PTPN6: variants seen among roughly 807,000 people sequenced by gnomAD.
PTPN6 encodes the protein tyrosine-protein phosphatase non-receptor type 6.
In PTPN6, 18 loss-of-function variants were observed where a neutral mutation model predicts 81.5. The ratio of observed to expected loss-of-function variants is 0.22; its 90% CI spans 0.15 to 0.33. The LOEUF (loss-of-function observed/expected upper bound fraction) is 0.33, where lower values mean the gene tolerates loss of function less well. Among genes scored for constraint, PTPN6 ranks in the 10% least tolerant of loss-of-function variants. The probability of loss-of-function intolerance (pLI) is 1.00; values close to 1 mark genes in which losing one functional copy is unlikely to be tolerated. For synonymous variants in PTPN6, 301 were observed against 310.9 expected (o/e 0.97, Z 0.33); for missense variants, 500 against 794.2 (o/e 0.63, Z 4.45).
chr12:6,956,032 C>T lies in PTPN6; in HGVS notation c.845-110C>T. 1 of 1,137,002 alleles carries T rather than the reference C, an allele frequency of 8.8e-7. No homozygotes were observed. Among genetic ancestry groups the T allele is most frequent in the Non-Finnish European group, 1.3e-6 (1 of 758,730 alleles). The allele number at this position is 1,137,002 out of a possible 1,614,324, so 70.4% of individuals were successfully genotyped here. Reference sequence around the variant, plus strand: ...CTGCTGCCCACAGTCCCCCGCAAGCCTCATGGCTTCTGAGACCAGAATGGC... The same window carrying T: ...CTGCTGCCCACAGTCCCCCGCAAGCTTCATGGCTTCTGAGACCAGAATGGC... On this transcript the variant is annotated intron_variant, in intron 7 of 15. Coordinates refer to ENST00000318974, the MANE Select transcript of PTPN6 (RefSeq NM_002831.6). The surrounding 1 kb of genome is among the most constrained non-coding windows in gnomAD (Gnocchi z 4.1).
Position 6,960,360 on chromosome 12 carries a change from A to G in PTPN6, c.1598A>G (p.Glu533Gly). 6.2e-7 allele frequency: 1 copy of G among 1,613,312 alleles called. No homozygotes were observed. The highest frequency in any genetic ancestry group is 8.5e-7 in the Non-Finnish European group (1 of 1,179,976). The change falls in exon 14 of 16, where the codon GAG (glutamate) becomes GGG (glycine). Residue 533 changes from glutamate (E) to glycine (G), a missense_variant. Physicochemically the swap from Glu to Gly is moderately conservative, Grantham distance 98. Coordinates refer to ENST00000318974, the MANE Select transcript of PTPN6 (RefSeq NM_002831.6). This position sits in a 1 kb window ranked among gnomAD's most constrained non-coding sequence, Gnocchi z 6.1. ...LEVLQSQKGQ[E>G]SEYGNITYPP... The stretch of plus-strand genomic sequence containing the variant: ...TGCCCACAGTCGCAGAAGGGCCAGG[A>G]GTCGGAGTACGGGAACATCACCTAT...
In PTPN6 at chr12:6,951,883, C is replaced by T. The variant is rs782173521; in HGVS notation, c.132-100C>T. 1.3e-6 allele frequency: 2 copies of T among 1,552,828 alleles called. No homozygotes were observed. The highest frequency in any genetic ancestry group is 2.7e-5 in the African/African-American group (2 of 73,524). On this transcript the variant is annotated intron_variant, in intron 2 of 15. Transcript: ENST00000318974. This position sits in a 1 kb window ranked among gnomAD's most constrained non-coding sequence, Gnocchi z 7.2. ...CACACTCCCCATCCCTGTCTGTGCC[C>T]ACCCATGCCCATGTGTGCCCCCACC...
chr12:6,946,815 C>CCGA (rs1320398445), upstream of PTPN6: 12 of 1,461,288 alleles, frequency 8.2e-6, no homozygotes, highest in African/African-American at 4.2e-5. Flanking sequence ...GATGCTCACT[C>CCGA]CGACGTGTGT....
Position 6,955,229 on chromosome 12 carries a change from A to G in PTPN6, c.595A>G (p.Ile199Val). ...DLVEHFKKTG[I>V]EEASGAFVYL... The stretch of plus-strand genomic sequence containing the variant: ...GGTGGAGCATTTCAAGAAGACGGGG[A>G]TTGAGGAGGCCTCAGGCGCCTTTGT... The change falls in exon 5 of 16, where the codon ATT (isoleucine) becomes GTT (valine). Residue 199 changes from isoleucine to valine, a missense_variant. Transcript: ENST00000318974. This position sits in a 1 kb window ranked among gnomAD's most constrained non-coding sequence, Gnocchi z 7.2. 1.2e-6 allele frequency: 2 copies of G among 1,614,122 alleles called. No homozygotes were observed. Among genetic ancestry groups the G allele is most frequent in the Non-Finnish European group, 1.7e-6 (2 of 1,180,008 alleles).
At position 6,955,791 on chromosome 12, in the gene PTPN6, C is replaced by G; in HGVS notation, c.844+35C>G. 6.3e-7 allele frequency: 1 copy of G among 1,585,668 alleles called. No homozygotes were observed. ...CAGGCTGCCCCATTCACCCAGGATA[C>G]CGCCCCTGCCCCAGCTGCCTCCCCT... On this transcript the variant is annotated intron_variant, in intron 7 of 15. Transcript: ENST00000318974. This position sits in a 1 kb window ranked among gnomAD's most constrained non-coding sequence, Gnocchi z 7.2.
At chr12:6,948,509 G>A (rs1279649197), upstream of PTPN6, among the ~76,000 whole-genome samples, 2 of 144,562 alleles carry the variant, frequency 1.4e-5, no homozygotes, top group Admixed American at 7.0e-5. Context: ...AGGAAAAAAA[G>A]GAAAGAGCGA....
Sources: allele counts gnomAD v4.1 joint callset (sites outside exome capture counted in the v4.1 genomes callset), GRCh38; gene constraint gnomAD v4.1.1; non-coding constraint Gnocchi (gnomAD v3.1); transcripts MANE v1.5; gene names NCBI Gene and HGNC (gene_info 2026-07-23, HGNC 2026-07-21).